Variants in SAT1 observed in about 807,000 individuals in gnomAD.
The protein encoded by SAT1 is diamine acetyltransferase 1.
SAT1 carries 1 observed loss-of-function variant against 14.7 expected under a neutral mutation model. That is an observed-to-expected ratio of 0.07 (90% CI 0.02 to 0.32). The LOEUF (loss-of-function observed/expected upper bound fraction) is 0.32. SAT1 is among the 10% of genes least tolerant of loss of function. SAT1 has a pLI of 1.00. For synonymous variants in SAT1, 67 were observed against 46.1 expected, an observed-to-expected ratio of 1.45 and a Z score of -1.84; for missense variants, 77 against 129.1, an observed-to-expected ratio of 0.60 and a Z score of 1.96.
intron 5 of SAT1, 40 bp downstream of exon 5, chrX:23,785,600 T>G: frequency 8.4e-7 from 1 of 1,187,776 alleles, no homozygotes; most frequent in African/African-American, 1.7e-5. Context: ...GTAAGTTTAC[T>G]GGATTATTTT....
chrX:23,785,490 G>C (rs1391498611), intron 4 of SAT1, 30 bp from the exon 5 acceptor site: 1 of 1,193,781 alleles, frequency 8.4e-7, no homozygotes, highest in East Asian at 3.0e-5. Context: ...TGCTTACAAT[G>C]ACTTTTTAAA....
chrX:23,783,364 G>A lies in SAT1; in HGVS notation c.13G>A (p.Val5Met), dbSNP rs1922571273. Residue 5 changes from valine (V) to methionine (M), a missense_variant, in exon 1 of 6, where the codon GTG becomes ATG. Physicochemically the swap from Val to Met is conservative, Grantham distance 21. Coordinates refer to ENST00000379270, the MANE Select transcript of SAT1 (RefSeq NM_002970.4). ...GCAAAAGACGAAAATGGCTAAATTC[G>A]TGATCCGCCCAGCCACTGCCGCCGA... MAKF[V>M]IRPATAADCS... 2.5e-6 allele frequency: 3 copies of A among 1,211,307 alleles called. No homozygotes were observed. In the East Asian group the frequency reaches 8.9e-5, roughly 36 times the overall value.
intron 5 of SAT1, 38 bp from the exon 6 acceptor site, chrX:23,785,648 A>G: frequency 8.4e-7 from 1 of 1,196,450 alleles, no homozygotes; most frequent in Non-Finnish European, 1.1e-6. Context: ...GAGCAGGCTG[A>G]AATGTCACTG....
chrX:23,784,060 G>A, intron 3 of SAT1, 177 bp downstream of exon 3: 1 of 1,121,312 alleles, frequency 8.9e-7, no homozygotes, highest in Non-Finnish European at 1.2e-6. Flanking sequence ...CTGCACTTAA[G>A]AATACTAGGG....
In SAT1 at chrX:23,785,847, A is replaced by G. The variant is rs766687812; in HGVS notation, c.507A>G (p.Thr169=). 1.2e-5 allele frequency: 14 copies of G among 1,192,779 alleles called. No homozygotes were observed. The Admixed American group carries it at 3.3e-4, about 28-fold the overall frequency. ...AGGAGTACTTGCTAAAAATGGCAAC[A>G]GAGGAGTGAGGAGTGCTGCTGTAGA... ...IDKEYLLKMA[T]EE The change falls in exon 6 of 6, where the codon ACA becomes ACG. Residue 169 remains threonine (T), a synonymous_variant. Coordinates refer to ENST00000379270, the MANE Select transcript of SAT1 (RefSeq NM_002970.4).
intron 3 of SAT1, chrX:23,784,855 G>A (rs1338197364): frequency 8.4e-6 from 1 of 119,636 alleles, no homozygotes; most frequent in Non-Finnish European, 1.8e-5. Context: ...TTGGCCTGAT[G>A]TTCTGACCTT....
intron 1 of SAT1, 84 bp from the exon 2 acceptor site, chrX:23,783,574 C>CCCCCCCAAACCCA: frequency 7.0e-6 from 5 of 718,037 alleles, no homozygotes; most frequent in Non-Finnish European, 1.0e-5. Flanking sequence ...CCCGCCCGCC[C>CCCCCCCAAACCCA]GCCCCATTCC....
rs916813312 is a variant in SAT1 at position 23,783,887 on chromosome X, A to AC, written c.202+8dup. The AC allele has an allele frequency of 8.3e-7, 1 of 1,211,165 alleles. No homozygotes were observed. The highest frequency in any genetic ancestry group is 1.1e-6 in the Non-Finnish European group (1 of 895,363). On this transcript the variant is annotated splice_donor_region_variant and intron_variant, in intron 3 of 5. Coordinates refer to ENST00000379270, the MANE Select transcript of SAT1 (RefSeq NM_002970.4). ...AAAGAGCACTGGACTCCGGAAGGTA[A>AC]CCCCTCGCCCTTTCCAGAAGCCAGA... is the stretch of plus-strand genomic sequence containing the variant.
chrX:23,783,613 T>A lies in SAT1; in HGVS notation c.67-45T>A, dbSNP rs770053467. 3.6e-5 allele frequency: 29 copies of A among 795,151 alleles called. No individual in the cohort carries two copies. In the East Asian group the frequency reaches 1.6e-3, roughly 43 times the overall value. The allele number at this position is 795,151 out of a possible 1,213,427, so 65.5% of individuals were successfully genotyped here. ...CCCCTGAGCTGGCCGGGCCGGAGCC[T>A]CATTTTGTTTTCTACTTTTTTCTCT... is the stretch of plus-strand genomic sequence containing the variant. On this transcript the variant is annotated intron_variant, in intron 1 of 5. Coordinates refer to ENST00000379270, the MANE Select transcript of SAT1 (RefSeq NM_002970.4).
In SAT1 at chrX:23,783,318, T is replaced by G; in HGVS notation, c.-34T>G. 8.4e-7 allele frequency: 1 copy of G among 1,189,957 alleles called. No homozygotes were observed. Among genetic ancestry groups the G allele is most frequent in the Non-Finnish European group, 1.1e-6 (1 of 875,986 alleles). ...CTCCTACTGTTCAAGTACAGGGGCCTGGTCCGCAAAGGGAAGAAAAGCAAA... is the reference window on the plus strand; with the variant it reads ...CTCCTACTGTTCAAGTACAGGGGCCGGGTCCGCAAAGGGAAGAAAAGCAAA... On this transcript the variant is annotated 5_prime_UTR_variant, in exon 1 of 6. Transcript: ENST00000379270.
intron 3 of SAT1, chrX:23,784,133 T>G: frequency 9.5e-7 from 1 of 1,055,128 alleles, no homozygotes; most frequent in East Asian, 3.4e-5. Context: ...GTGTTTAAGC[T>G]GCTTAAGTAA....
intron 1 of SAT1, 81 bp from the exon 2 acceptor site, chrX:23,783,577 C>CCCCAAAACCAA: frequency 2.7e-6 from 2 of 750,190 alleles, no homozygotes; most frequent in Non-Finnish European, 3.9e-6. Flanking sequence ...GCCCGCCCGC[C>CCCCAAAACCAA]CCATTCCGTT....
intron 1 of SAT1, 83 bp from the exon 2 acceptor site, chrX:23,783,575 G>T: frequency 5.0e-6 from 2 of 403,890 alleles, no homozygotes; most frequent in South Asian, 4.0e-5. Flanking sequence ...CCGCCCGCCC[G>T]CCCCATTCCG....
chrX:23,785,007 T>C (rs1252569092), intron 3 of SAT1: 2 of 281,385 alleles, frequency 7.1e-6, no homozygotes, highest in African/African-American at 5.4e-5. Context: ...ATAGCAGTTT[T>C]GCTCTGGCAA....
rs973725671 is a variant in SAT1 at position 23,785,200 on chromosome X, A to G, written c.203-128A>G. The G allele has an allele frequency of 1.4e-4, 74 of 524,286 alleles. No individual in the cohort carries two copies. In the Admixed American group the frequency reaches 1.9e-3, roughly 14 times the overall value. 43.2% of individuals were successfully genotyped at this position (524,286 alleles called of 1,213,427 possible). On this transcript the variant is annotated intron_variant, in intron 3 of 5. Coordinates refer to ENST00000379270, the MANE Select transcript of SAT1 (RefSeq NM_002970.4). ...CTCACATAAAAATCATGAGACAGCC[A>G]TGGCTACTTGTTTCTGTAATACATG... is the stretch of plus-strand genomic sequence containing the variant.
In SAT1 at chrX:23,785,407, C is replaced by A. The variant is rs780634321; in HGVS notation, c.282C>A (p.Phe94Leu). 2 of 1,199,793 alleles carry A rather than the reference C, an allele frequency of 1.7e-6. No homozygotes were observed. Among genetic ancestry groups the A allele is most frequent in the Admixed American group, 2.2e-5 (1 of 45,695 alleles). The change falls in exon 4 of 6, where the codon TTC becomes TTA. Residue 94 changes from phenylalanine (F) to leucine (L), a missense_variant. Transcript: ENST00000379270. ...WIGKLLYLEDFFVMSDYRGFG... is the reference protein window; with the variant it reads ...WIGKLLYLEDLFVMSDYRGFG... ...GCAAGTTATTGTATCTTGAGGACTT[C>A]TTCGTGATGAGTGATTATAGAGGTA...
chrX:23,783,969 G>A (rs764862163), intron 3 of SAT1, 86 bp downstream of exon 3: 1 of 1,200,121 alleles, frequency 8.3e-7, no homozygotes, highest in African/African-American at 1.8e-5. Context: ...TGACTACACA[G>A]GCCGAAGTTA....
intron 1 of SAT1, 79 bp from the exon 2 acceptor site, chrX:23,783,579 C>CCCAA: frequency 4.0e-5 from 31 of 770,080 alleles, no homozygotes; most frequent in Non-Finnish European, 5.0e-5. Flanking sequence ...CCGCCCGCCC[C>CCCAA]ATTCCGTTCC....
rs747491672 is a variant in SAT1, at chrX:23,783,339, G to A, written c.-13G>A. 7 of 1,209,702 alleles carry A rather than the reference G, an allele frequency of 5.8e-6. No homozygotes were observed. The Admixed American group carries it at 1.3e-4, about 23-fold the overall frequency. Reference sequence around the variant, plus strand: ...GGCCTGGTCCGCAAAGGGAAGAAAAGCAAAAGACGAAAATGGCTAAATTCG... The same window carrying A: ...GGCCTGGTCCGCAAAGGGAAGAAAAACAAAAGACGAAAATGGCTAAATTCG... On this transcript the variant is annotated 5_prime_UTR_variant, in exon 1 of 6. Coordinates refer to ENST00000379270, the MANE Select transcript of SAT1 (RefSeq NM_002970.4).
Sources: allele counts gnomAD v4.1 joint callset, GRCh38; gene constraint gnomAD v4.1.1; transcripts MANE v1.5; gene names NCBI Gene and HGNC (gene_info 2026-07-23, HGNC 2026-07-21).